DCAF1: variants seen among roughly 807,000 people sequenced by gnomAD.
The protein encoded by DCAF1 is DDB1- and CUL4-associated factor 1.
A neutral mutation model predicts 128.0 loss-of-function variants in DCAF1; 15 were observed. The ratio of observed to expected loss-of-function variants is 0.12; its 90% confidence interval spans 0.08 to 0.18. The LOEUF is 0.18. DCAF1 is among the 10% of genes least tolerant of loss of function. The pLI is 1.00. For synonymous variants in DCAF1, 610 were observed against 603.0 expected, an observed-to-expected ratio of 1.01 and a Z score of -0.17; for missense variants, 988 against 1,649.5, an observed-to-expected ratio of 0.60 and a Z score of 6.95.
At chr3:51,410,929 G>A (rs370789424) in intron 23 of DCAF1, among the ~76,000 whole-genome samples, 93 of 152,206 alleles carry the variant, frequency 6.1e-4, no homozygotes, top group African/African-American at 2.2e-3. Flanking sequence ...AGGCTGAGGC[G>A]GGTGGATCAC....
intron 13 of DCAF1, among the ~76,000 whole-genome samples, chr3:51,425,200 G>A (rs1271572898): frequency 2.6e-5 from 4 of 152,054 alleles, no homozygotes; most frequent in East Asian, 1.9e-4. Flanking sequence ...AGGCCGGACC[G>A]TGTTTCATGC....
At chr3:51,451,441 AC>A (rs1702341369) in intron 6 of DCAF1, among the ~76,000 whole-genome samples, 1 of 151,208 alleles carries the variant, frequency 6.6e-6, no homozygotes, top group Admixed American at 6.6e-5. Flanking sequence ...ACATAATGAG[AC>A]TCTGTGTCTA....
intron 3 of DCAF1, among the ~76,000 whole-genome samples, chr3:51,477,646 GA>G: frequency 6.6e-6 from 1 of 152,102 alleles, no homozygotes; most frequent in Middle Eastern, 3.4e-3. Context: ...CAAAACCCAG[GA>G]TTCTAACCTA....
At chr3:51,440,785 A>T (rs1701288773) in intron 9 of DCAF1, among the ~76,000 whole-genome samples, 185 bp downstream of exon 9, 1 of 152,072 alleles carries the variant, frequency 6.6e-6, no homozygotes, top group Non-Finnish European at 1.5e-5. Flanking sequence ...ATGTGACAGT[A>T]ATCCCAGCTA....
intron 23 of DCAF1, among the ~76,000 whole-genome samples, chr3:51,410,103 C>T (rs1228803177): frequency 6.6e-6 from 1 of 152,230 alleles, no homozygotes; most frequent in Non-Finnish European, 1.5e-5. Flanking sequence ...GAAAGCCTTT[C>T]TACACTAGCA....
chr3:51,484,558 T>G (rs1410197950), intron 2 of DCAF1, among the ~76,000 whole-genome samples: 1 of 152,164 alleles, frequency 6.6e-6, no homozygotes, highest in Non-Finnish European at 1.5e-5. Flanking sequence ...TCTAAAACTT[T>G]GTGCTTACAT....
intron 17 of DCAF1, 94 bp from the exon 18 acceptor site, chr3:51,416,965 A>T: frequency 1.3e-6 from 2 of 1,520,900 alleles, no homozygotes; most frequent in South Asian, 2.4e-5. Flanking sequence ...CCTCTTGCAC[A>T]ATCACACTCA....
At chr3:51,405,956 C>A (rs1029878977) in intron 23 of DCAF1, among the ~76,000 whole-genome samples, 22 of 152,094 alleles carry the variant, frequency 1.4e-4, no homozygotes, top group Non-Finnish European at 2.2e-4. Flanking sequence ...ATCACTTGAA[C>A]CCAGGAATTC....
chr3:51,427,539 T>C lies in DCAF1; in HGVS notation c.1680A>G (p.Ala560=). The part of the protein sequence containing the change: ...ILVHPQPPYK[A]CSYTHEQIVE... Reference sequence around the variant, plus strand: ...CAATCTGTTCATGAGTATATGAGCATGCCTATAAGGAGAGATATATAGTAT... The same window carrying C: ...CAATCTGTTCATGAGTATATGAGCACGCCTATAAGGAGAGATATATAGTAT... The change falls in exon 13 of 25, where the codon GCA becomes GCG. Residue 560 remains alanine (A), a splice_region_variant and synonymous_variant. Coordinates refer to ENST00000684031, the MANE Select transcript of DCAF1 (RefSeq NM_001387579.1). The C allele has an allele frequency of 1.4e-6, 1 of 725,600 alleles. No homozygotes were observed. Among genetic ancestry groups the C allele is most frequent in the East Asian group, 2.6e-5 (1 of 38,846 alleles). The allele number at this position is 725,600 out of a possible 1,614,324, so 44.9% of individuals were successfully genotyped here.
At chr3:51,414,942 T>C in intron 18 of DCAF1, 85 bp from the exon 19 acceptor site, 1 of 1,490,234 alleles carries the variant, frequency 6.7e-7, no homozygotes, top group Non-Finnish European at 9.0e-7. Context: ...AAGCAGTTTC[T>C]AAAATTAACA....
rs2089393047 is a variant in DCAF1, at chr3:51,398,595, C to T, written c.*174G>A. 2 of 772,700 alleles carry T rather than the reference C, an allele frequency of 2.6e-6. No homozygotes were observed. The highest frequency in any genetic ancestry group is 4.1e-6 in the Non-Finnish European group (2 of 492,570). The allele number at this position is 772,700 out of a possible 1,614,324, so 47.9% of individuals were successfully genotyped here. On this transcript the variant is annotated 3_prime_UTR_variant, in exon 25 of 25. Coordinates refer to ENST00000684031, the MANE Select transcript of DCAF1 (RefSeq NM_001387579.1). The stretch of plus-strand genomic sequence containing the variant: ...GTCATTTTTGTGGTGGTTATTGATT[C>T]TGGAAGGACCCTCGGGTGCCAATGA...
chr3:51,437,276 AAAAAAAAAAAAAAAG>A, intron 9 of DCAF1: 1 of 379,280 alleles, frequency 2.6e-6, no homozygotes, highest in South Asian at 2.1e-5. Flanking sequence ...CAAAAAAAAA[AAAAAAAAAAAAAAAG>A]AAAGAAAGAG....
At chr3:51,406,799 C>A (rs558895552) in intron 23 of DCAF1, among the ~76,000 whole-genome samples, 1 of 152,310 alleles carries the variant, frequency 6.6e-6, no homozygotes, top group Non-Finnish European at 1.5e-5. Flanking sequence ...TCATCCCCAC[C>A]TCACCACCAC....
intron 2 of DCAF1, among the ~76,000 whole-genome samples, chr3:51,490,335 G>C (rs1423959030): frequency 6.6e-6 from 1 of 152,136 alleles, no homozygotes. Flanking sequence ...GTAGGCTGAG[G>C]TGGGAGAATC....
intron 6 of DCAF1, among the ~76,000 whole-genome samples, chr3:51,461,917 T>A (rs1489881962): frequency 6.6e-6 from 1 of 150,776 alleles, no homozygotes; most frequent in Non-Finnish European, 1.5e-5. Context: ...TGTTGTGGGG[T>A]GGGGGAAGCG....
chr3:51,469,433 T>C (rs1362203637), intron 4 of DCAF1, among the ~76,000 whole-genome samples: 3 of 151,836 alleles, frequency 2.0e-5, no homozygotes, highest in Non-Finnish European at 4.4e-5. Context: ...TTTTTCCATG[T>C]TGGTCAGGCT....
At chr3:51,400,785 C>T (rs1047447479) in intron 24 of DCAF1, among the ~76,000 whole-genome samples, 3 of 152,092 alleles carry the variant, frequency 2.0e-5, no homozygotes, top group South Asian at 2.1e-4. Context: ...TTTAACCTAT[C>T]GCTCTACAAC....
chr3:51,442,904 A>G (rs1408089625), intron 7 of DCAF1, among the ~76,000 whole-genome samples: 1 of 152,164 alleles, frequency 6.6e-6, no homozygotes, highest in Non-Finnish European at 1.5e-5. Flanking sequence ...GGGGAACAAT[A>G]CACACTGGGG....
Position 51,420,338 on chromosome 3 carries a change from T to C in DCAF1, c.2632A>G (p.Met878Val). 1.9e-6 allele frequency: 3 copies of C among 1,614,036 alleles called. No homozygotes were observed. The highest frequency in any genetic ancestry group is 2.5e-6 in the Non-Finnish European group (3 of 1,179,892). Residue 878 changes from methionine (M) to valine (V), a missense_variant, in exon 15 of 25, where the codon ATG becomes GTG. By Grantham distance (21) the Met-to-Val change is conservative. Coordinates refer to ENST00000684031, the MANE Select transcript of DCAF1 (RefSeq NM_001387579.1). This position sits in a 1 kb window ranked among gnomAD's most constrained non-coding sequence, Gnocchi z 6.5. ...GCAGAAGAATGGGAGGCAGCAGTCA[T>C]GGGCAGGTCAGCCTCTTTTGTCAGC... is the stretch of plus-strand genomic sequence containing the variant. ...TVLTKEADLP[M>V]TAASHSSAFT...
Sources: gnomAD v4.1 joint callset for allele counts (sites outside exome capture counted in the v4.1 genomes callset) on GRCh38, gnomAD v4.1.1 for gene constraint, Gnocchi (gnomAD v3.1) non-coding constraint, MANE v1.5 for transcripts, NCBI Gene and HGNC (gene_info 2026-07-23, HGNC 2026-07-21) for gene names.